Variants in MYOM1 observed in about 807,000 individuals in gnomAD.
MYOM1 encodes the protein myomesin 1.
In MYOM1, 164 loss-of-function variants were observed where a neutral mutation model predicts 205.3. That is an observed-to-expected ratio of 0.80 (90% CI 0.70 to 0.91). MYOM1 has a LOEUF of 0.91. Among genes scored for constraint, MYOM1 ranks in the 40% least tolerant of loss-of-function variants. The probability of loss-of-function intolerance (pLI) is 0.00; values close to 1 mark genes in which losing one functional copy is unlikely to be tolerated. For missense variants in MYOM1, 2,011 were observed against 2,127.3 expected, an observed-to-expected ratio of 0.95 and a Z score of 1.08; for synonymous variants, 772 against 789.4, an observed-to-expected ratio of 0.98 and a Z score of 0.37.
chr18:3,088,915 T>A (rs1007196812), intron 29 of MYOM1, among the ~76,000 whole-genome samples: 1 of 152,254 alleles, frequency 6.6e-6, no homozygotes, highest in Non-Finnish European at 1.5e-5. Flanking sequence ...TGGAGATTAC[T>A]AATTAGATAA....
chr18:3,131,363 T>A lies in MYOM1; in HGVS notation c.2506+12A>T, dbSNP rs749082711. The A allele has an allele frequency of 6.2e-7, 1 of 1,613,802 alleles. No individual in the cohort carries two copies. The highest frequency in any genetic ancestry group is 8.5e-7 in the Non-Finnish European group (1 of 1,179,804). On this transcript the variant is annotated intron_variant, in intron 17 of 37. Transcript: ENST00000356443. The stretch of plus-strand genomic sequence containing the variant: ...CATTTTTCCCCCATACAGTTATGCA[T>A]AAGGAACTTACCAATAGCAGCTTTG...
rs2079393171 is a variant in MYOM1, at chr18:3,102,508, A to G, written c.3541T>C (p.Ser1181Pro). The G allele has an allele frequency of 6.2e-7, 1 of 1,612,656 alleles. No individual in the cohort carries two copies. Among genetic ancestry groups the G allele is most frequent in the African/African-American group, 1.3e-5 (1 of 74,838 alleles). ...TTGCTTTCGACTTCCAATCGTGGAG[A>G]GTCCTCAGTGGATACATAATCTTTG... ...WSKDYVSTED[S>P]PRLEVESKGN... is the part of the protein sequence containing the mutation. Residue 1181 changes from serine to proline, a missense_variant, in exon 23 of 38, where the codon TCT (serine) becomes CCT (proline). Ser to Pro is a moderately conservative substitution (Grantham distance 74). Coordinates refer to ENST00000356443, the MANE Select transcript of MYOM1 (RefSeq NM_003803.4).
chr18:3,083,359 T>C (rs2079107077), intron 33 of MYOM1, among the ~76,000 whole-genome samples: 1 of 151,744 alleles, frequency 6.6e-6, no homozygotes, highest in African/African-American at 2.4e-5. Flanking sequence ...TTTTTCCCTA[T>C]CCTCCCCTCT....
the MYOM1 span, among the ~76,000 whole-genome samples, chr18:3,243,585 G>A: frequency 4.8e-3 from 725 of 152,204 alleles, 23 homozygotes; most frequent in East Asian, 0.079. Context: ...TGTATTTACC[G>A]GCACCTGTGG....
intron 8 of MYOM1, among the ~76,000 whole-genome samples, 165 bp from the exon 9 acceptor site, chr18:3,169,146 CAT>C (rs561045888): frequency 1.1e-3 from 173 of 151,542 alleles, no homozygotes; most frequent in African/African-American, 3.9e-3. Context: ...GTATTTAGAA[CAT>C]ATGCATATAT....
chr18:3,242,317 A>G, the MYOM1 span, among the ~76,000 whole-genome samples: 2 of 152,104 alleles, frequency 1.3e-5, no homozygotes, highest in Non-Finnish European at 2.9e-5. Flanking sequence ...TTCCTGTGCT[A>G]TTCTCATGAT....
chr18:3,231,534 CTTTTTTTTTTTTTT>C, the MYOM1 span, among the ~76,000 whole-genome samples: 7 of 120,220 alleles, frequency 5.8e-5, no homozygotes, highest in East Asian at 4.4e-4. Flanking sequence ...AATATGCATC[CTTTTTTTTTTTTTT>C]TTTTTTTTTA....
intron 22 of MYOM1, among the ~76,000 whole-genome samples, chr18:3,108,990 T>G (rs957501779): frequency 6.6e-6 from 1 of 151,486 alleles, no homozygotes; most frequent in African/African-American, 2.4e-5. Context: ...CTTTTTCCTT[T>G]TTTTTTTTGA....
intron 36 of MYOM1, among the ~76,000 whole-genome samples, chr18:3,073,852 T>C (rs1386084282): frequency 6.6e-6 from 1 of 152,160 alleles, no homozygotes; most frequent in Non-Finnish European, 1.5e-5. Context: ...GGAAACCTGC[T>C]TGGAGAAACC....
intron 27 of MYOM1, 89 bp downstream of exon 27, chr18:3,090,569 A>C: frequency 6.6e-7 from 1 of 1,522,522 alleles, no homozygotes; most frequent in Non-Finnish European, 8.9e-7. Flanking sequence ...AATTCCTACT[A>C]CCTTTCAAAT....
chr18:3,214,835 A>G, intron 2 of MYOM1, 99 bp downstream of exon 2: 1 of 1,394,446 alleles, frequency 7.2e-7, no homozygotes, highest in East Asian at 2.4e-5. Flanking sequence ...TCAAAAAACC[A>G]AAACCGAACC....
chr18:3,191,953 C>T (rs2080915173), intron 3 of MYOM1, among the ~76,000 whole-genome samples: 1 of 152,160 alleles, frequency 6.6e-6, no homozygotes, highest in Non-Finnish European at 1.5e-5. Context: ...GCCTCAGCCT[C>T]CCAAAGTGCT....
chr18:3,147,010 C>T (rs2080132571), intron 13 of MYOM1, among the ~76,000 whole-genome samples: 1 of 144,864 alleles, frequency 6.9e-6, no homozygotes, highest in Admixed American at 6.9e-5. Flanking sequence ...AAAACAATAC[C>T]ATTTACAGCA....
chr18:3,199,917 T>C (rs1045582074), intron 2 of MYOM1, among the ~76,000 whole-genome samples: 11 of 151,738 alleles, frequency 7.2e-5, no homozygotes, highest in African/African-American at 2.4e-4. Flanking sequence ...GGGTGGAAGA[T>C]TTACTGTCTT....
the MYOM1 span, among the ~76,000 whole-genome samples, chr18:3,234,573 T>G: frequency 6.6e-6 from 1 of 152,124 alleles, no homozygotes; most frequent in Admixed American, 6.5e-5. Flanking sequence ...TCCAGAGTCG[T>G]TTGGGGAGAG....
chr18:3,189,192 C>A lies in MYOM1; in HGVS notation c.432-105G>T. The A allele has an allele frequency of 4.6e-6, 5 of 1,076,696 alleles. No individual in the cohort carries two copies. The highest frequency in any genetic ancestry group is 2.5e-5 in the East Asian group (1 of 40,440). 66.7% of individuals were successfully genotyped at this position (1,076,696 alleles called of 1,614,324 possible). On this transcript the variant is annotated intron_variant, in intron 3 of 37. Transcript: ENST00000356443. The surrounding 1 kb of genome is among the most constrained non-coding windows in gnomAD (Gnocchi z 4.8). ...CACATCTCAGACACTGTATCCTGCA[C>A]CAAAAGAAAATCCGACATAGAAAAA...
At chr18:3,212,394 G>A (rs2081201674) in intron 2 of MYOM1, among the ~76,000 whole-genome samples, 1 of 152,048 alleles carries the variant, frequency 6.6e-6, no homozygotes, top group African/African-American at 2.4e-5. Context: ...ATTATATAGA[G>A]CAAATGTTTT....
rs975093325 is a variant in MYOM1 at position 3,206,392 on chromosome 18, T to C, written c.290+8542A>G. Among the ~76,000 whole-genome samples the C allele has an allele frequency of 4.6e-5, 7 of 152,204 alleles. No individual in the cohort carries two copies. The East Asian group carries it at 1.3e-3, about 29-fold the overall frequency. The stretch of plus-strand genomic sequence containing the variant: ...TGTTTTTAAACTGTGGGTCAGCTTT[T>C]TCTGGGCCTCTTCTGGGCTGTCTTT... On this transcript the variant is annotated intron_variant, in intron 2 of 37. Transcript: ENST00000356443.
intron 10 of MYOM1, among the ~76,000 whole-genome samples, chr18:3,163,425 G>C (rs1438231796): frequency 6.6e-6 from 1 of 151,944 alleles, no homozygotes; most frequent in Non-Finnish European, 1.5e-5. Flanking sequence ...GTGCCCTCAG[G>C]GCTCACCTTT....
Sources: allele counts gnomAD v4.1 joint callset (sites outside exome capture counted in the v4.1 genomes callset), GRCh38; gene constraint gnomAD v4.1.1; non-coding constraint Gnocchi (gnomAD v3.1); transcripts MANE v1.5; gene names NCBI Gene and HGNC (gene_info 2026-07-23, HGNC 2026-07-21).